The following CADM2 variants were observed in gnomAD, a reference collection of about 807,000 sequenced individuals.
CADM2 encodes cell adhesion molecule 2.
A neutral mutation model predicts 49.8 loss-of-function variants in CADM2; 12 were observed. The ratio of observed to expected loss-of-function variants is 0.24; its 90% CI spans 0.15 to 0.39. CADM2 has a LOEUF of 0.39. CADM2 is among the 10% of genes least tolerant of loss of function. CADM2 has a pLI of 1.00. For missense variants in CADM2, 378 were observed against 492.3 expected, an observed-to-expected ratio of 0.77 and a Z score of 2.20; for synonymous variants, 214 against 175.4, an observed-to-expected ratio of 1.22 and a Z score of -1.74.
At chr3:85,127,598 G>T (rs893399737) in intron 1 of CADM2, among the ~76,000 whole-genome samples, 2 of 152,148 alleles carry the variant, frequency 1.3e-5, no homozygotes, top group Admixed American at 6.5e-5. Context: ...TCTACCTGGA[G>T]AAAATCAAAC....
intron 1 of CADM2, among the ~76,000 whole-genome samples, chr3:85,198,505 T>C (rs1191146397): frequency 2.0e-5 from 3 of 151,686 alleles, no homozygotes; most frequent in African/African-American, 7.2e-5. Flanking sequence ...TCAATAAATA[T>C]TATATGCTAA....
chr3:85,988,805 T>G (rs1454365230), intron 8 of CADM2, among the ~76,000 whole-genome samples: 1 of 152,146 alleles, frequency 6.6e-6, no homozygotes, highest in East Asian at 1.9e-4. Flanking sequence ...AAAAAAGAGA[T>G]GGACTCAAAT....
intron 1 of CADM2, among the ~76,000 whole-genome samples, chr3:85,712,214 A>T (rs963288523): frequency 6.6e-6 from 1 of 152,134 alleles, no homozygotes; most frequent in Admixed American, 6.5e-5. Flanking sequence ...TGTATTCATA[A>T]TTGTTTTCAT....
chr3:85,343,439 C>G (rs1455314497), intron 1 of CADM2, among the ~76,000 whole-genome samples: 2 of 152,006 alleles, frequency 1.3e-5, no homozygotes. Context: ...TAGGATTTTC[C>G]CCTCAAGTTT....
intron 1 of CADM2, among the ~76,000 whole-genome samples, chr3:85,539,812 A>C (rs17457426): frequency 0.51 from 77,802 of 151,914 alleles, 23,010 homozygotes; most frequent in East Asian, 0.85. Context: ...GACAAGGTGA[A>C]GCTGAATAAA....
intron 8 of CADM2, among the ~76,000 whole-genome samples, chr3:86,011,882 T>C (rs1353310259): frequency 6.6e-6 from 1 of 152,040 alleles, no homozygotes; most frequent in Non-Finnish European, 1.5e-5. Context: ...AAAAAATATA[T>C]AAAAAACCTT....
chr3:85,024,916 A>C (rs1348872728), intron 1 of CADM2, among the ~76,000 whole-genome samples: 3 of 151,928 alleles, frequency 2.0e-5, no homozygotes, highest in Non-Finnish European at 2.9e-5. Flanking sequence ...AAAATATAAA[A>C]TCCTGTGATT....
At chr3:85,186,170 C>T (rs567021096) in intron 1 of CADM2, among the ~76,000 whole-genome samples, 1 of 152,222 alleles carries the variant, frequency 6.6e-6, no homozygotes, top group South Asian at 2.1e-4. Context: ...CATAGTAGAT[C>T]CTTAAGTCCA....
intron 2 of CADM2, among the ~76,000 whole-genome samples, chr3:85,749,607 A>G (rs1333999507): frequency 6.6e-6 from 1 of 152,038 alleles, no homozygotes; most frequent in Non-Finnish European, 1.5e-5. Context: ...GCTGACAGAG[A>G]AATCTCTACA....
chr3:85,913,783 A>G (rs912990300), intron 6 of CADM2, among the ~76,000 whole-genome samples: 2 of 152,232 alleles, frequency 1.3e-5, no homozygotes, highest in Non-Finnish European at 2.9e-5. Flanking sequence ...GTTGATAAGT[A>G]CATGGCTGCA....
intron 1 of CADM2, among the ~76,000 whole-genome samples, chr3:84,961,531 C>T (rs1433223790): frequency 1.3e-5 from 2 of 152,122 alleles, no homozygotes. Flanking sequence ...TGACACGTTA[C>T]TTAGGTTTTT....
intron 1 of CADM2, among the ~76,000 whole-genome samples, chr3:85,144,268 C>CACAT (rs2039664938): frequency 1.3e-5 from 2 of 151,554 alleles, no homozygotes; most frequent in Non-Finnish European, 2.9e-5. Context: ...CACACACACA[C>CACAT]ACATGTGCAC....
At chr3:85,221,155 A>C (rs749749568) in intron 1 of CADM2, among the ~76,000 whole-genome samples, 5 of 152,102 alleles carry the variant, frequency 3.3e-5, no homozygotes, top group Non-Finnish European at 7.4e-5. Context: ...CTTTTTTCCA[A>C]ATGTTTCAAT....
intron 1 of CADM2, among the ~76,000 whole-genome samples, chr3:85,532,866 G>T (rs1431074205): frequency 6.6e-6 from 1 of 152,126 alleles, no homozygotes; most frequent in Non-Finnish European, 1.5e-5. Flanking sequence ...GACATGGATG[G>T]AGCTGGAGGT....
At chr3:85,790,510 T>A (rs957331516) in intron 2 of CADM2, among the ~76,000 whole-genome samples, 2 of 152,182 alleles carry the variant, frequency 1.3e-5, no homozygotes, top group Non-Finnish European at 1.5e-5. Context: ...TATAATTCTC[T>A]GGGTCAGGAG....
chr3:84,995,459 C>T lies in CADM2; in HGVS notation c.61+35791C>T, dbSNP rs531572004. On this transcript the variant is annotated intron_variant, in intron 1 of 9. Coordinates refer to ENST00000383699, the MANE Select transcript of CADM2 (RefSeq NM_001167675.2). ...TAATGAAGATTTGCATAACTCATTT[C>T]GCAACCACACTATAACGGAAAGAAG... is the stretch of plus-strand genomic sequence containing the variant. 3.4e-4 allele frequency among the ~76,000 whole-genome samples: 52 copies of T among 152,264 alleles called. 1 individual carries two copies. In the South Asian group the frequency reaches 0.01, roughly 30 times the overall value.
chr3:85,424,805 T>C, intron 1 of CADM2, among the ~76,000 whole-genome samples: 1 of 152,214 alleles, frequency 6.6e-6, no homozygotes, highest in East Asian at 1.9e-4. Context: ...TGGTACTTAC[T>C]AGCCTACATA....
At chr3:85,024,114 G>A (rs972452763) in intron 1 of CADM2, among the ~76,000 whole-genome samples, 4 of 152,060 alleles carry the variant, frequency 2.6e-5, no homozygotes, top group African/African-American at 9.7e-5. Context: ...GAACTGGAGT[G>A]CTCTATTGAC....
chr3:85,631,537 A>G (rs1323100236), intron 1 of CADM2, among the ~76,000 whole-genome samples: 1 of 152,100 alleles, frequency 6.6e-6, no homozygotes, highest in African/African-American at 2.4e-5. Flanking sequence ...TTGAGCCAGC[A>G]AGTGAACTTA....
Sources: allele counts gnomAD v4.1 joint callset (sites outside exome capture counted in the v4.1 genomes callset), GRCh38; gene constraint gnomAD v4.1.1; transcripts MANE v1.5; gene names NCBI Gene and HGNC (gene_info 2026-07-23, HGNC 2026-07-21).